OXR1: variants seen among roughly 807,000 people sequenced by gnomAD.
OXR1 encodes the protein oxidation resistance protein 1.
Under a neutral mutation model 104.6 loss-of-function variants are expected in OXR1, and 41 were observed. The ratio of observed to expected loss-of-function variants is 0.39; its 90% CI spans 0.31 to 0.51. The LOEUF (loss-of-function observed/expected upper bound fraction) is 0.51. OXR1 is among the 20% of genes least tolerant of loss of function. The pLI is 0.77. For synonymous variants in OXR1, 348 were observed against 348.4 expected, an observed-to-expected ratio of 1.00 and a Z score of 0.01; for missense variants, 955 against 1,031.9, an observed-to-expected ratio of 0.93 and a Z score of 1.02.
intron 2 of OXR1, among the ~76,000 whole-genome samples, chr8:106,411,082 T>C (rs1041260210): frequency 7.9e-6 from 1 of 126,644 alleles, no homozygotes; most frequent in African/African-American, 3.4e-5. Flanking sequence ...CTAATTATAT[T>C]TGAGATGAGT....
At chr8:106,724,411 G>A (rs1833134489) in intron 11 of OXR1, among the ~76,000 whole-genome samples, 1 of 152,138 alleles carries the variant, frequency 6.6e-6, no homozygotes, top group African/African-American at 2.4e-5. Context: ...GCAAGAAGGA[G>A]ACTTACTGAG....
intron 1 of OXR1, among the ~76,000 whole-genome samples, chr8:106,294,371 G>A (rs1441448103): frequency 7.6e-6 from 1 of 132,174 alleles, no homozygotes; most frequent in East Asian, 2.1e-4. Flanking sequence ...ACTCCAACTT[G>A]GGCGACAGGG....
At chr8:106,694,442 AT>A (rs1293888078) in intron 7 of OXR1, among the ~76,000 whole-genome samples, 10 of 137,116 alleles carry the variant, frequency 7.3e-5, no homozygotes, top group South Asian at 2.2e-4. Flanking sequence ...ATATAAATAT[AT>A]TTTTATATAT....
intron 1 of OXR1, among the ~76,000 whole-genome samples, chr8:106,288,345 A>T (rs996341030): frequency 2.0e-5 from 3 of 152,088 alleles, no homozygotes; most frequent in Non-Finnish European, 4.4e-5. Context: ...TGATGCAAAG[A>T]AGGGACTGTT....
At chr8:106,476,130 T>A (rs1174332522) in intron 2 of OXR1, among the ~76,000 whole-genome samples, 2 of 151,858 alleles carry the variant, frequency 1.3e-5, no homozygotes, top group African/African-American at 2.4e-5. Context: ...GACAACTCTT[T>A]CCATAGAGTA....
intron 7 of OXR1, among the ~76,000 whole-genome samples, chr8:106,697,251 G>A (rs559066178): frequency 2.0e-4 from 31 of 152,312 alleles, no homozygotes; most frequent in African/African-American, 7.2e-4. Context: ...TAGTAAGCAC[G>A]GGGGAGAGGC....
At chr8:106,513,131 A>G (rs1490209539) in intron 2 of OXR1, among the ~76,000 whole-genome samples, 1 of 152,196 alleles carries the variant, frequency 6.6e-6, no homozygotes, top group Admixed American at 6.6e-5. Context: ...TAATTACTGT[A>G]AGAATCATTC....
Position 106,537,735 on chromosome 8 carries a change from T to C in OXR1, c.220+18596T>C, listed in dbSNP as rs185541442. On this transcript the variant is annotated intron_variant, in intron 3 of 16. Coordinates refer to ENST00000517566, the MANE Select transcript of OXR1 (RefSeq NM_001198533.2). ...GCCACTATTGACAGCCAGTCACAGA[T>C]TTCTACAGTGAAGATAATGAAGGAG... is the stretch of plus-strand genomic sequence containing the variant. Among the ~76,000 whole-genome samples the C allele has an allele frequency of 1.3e-4, 20 of 152,264 alleles. No homozygotes were observed. In the East Asian group the frequency reaches 3.1e-3, roughly 24 times the overall value.
chr8:106,440,001 A>G (rs1417868696), intron 2 of OXR1, among the ~76,000 whole-genome samples: 1 of 152,086 alleles, frequency 6.6e-6, no homozygotes, highest in Non-Finnish European at 1.5e-5. Context: ...ACTGTGGCTG[A>G]TATTCGGAGG....
At chr8:106,745,753 A>G in intron 15 of OXR1, 36 bp from the exon 16 acceptor site, 1 of 1,026,866 alleles carries the variant, frequency 9.7e-7, no homozygotes, top group Non-Finnish European at 1.5e-6. Context: ...TAACCATTTC[A>G]TCTATATATT....
At chr8:106,382,686 T>G (rs909563723) in intron 2 of OXR1, among the ~76,000 whole-genome samples, 1 of 121,732 alleles carries the variant, frequency 8.2e-6, no homozygotes, top group African/African-American at 4.7e-5. Context: ...CTATAGGTTT[T>G]TTTTTTTTTT....
At chr8:106,738,721 A>T (rs1834626294) in intron 12 of OXR1, among the ~76,000 whole-genome samples, 1 of 149,978 alleles carries the variant, frequency 6.7e-6, no homozygotes, top group African/African-American at 2.4e-5. Flanking sequence ...TAACATTCTT[A>T]TCGTTTTAAG....
At chr8:106,696,003 T>G (rs1829992130) in intron 7 of OXR1, among the ~76,000 whole-genome samples, 1 of 92,360 alleles carries the variant, frequency 1.1e-5, no homozygotes, top group African/African-American at 6.0e-5. Context: ...CCCATAAGAT[T>G]CTCTCTTGTA....
chr8:106,583,517 G>T (rs1319260662), intron 3 of OXR1, among the ~76,000 whole-genome samples: 2 of 152,108 alleles, frequency 1.3e-5, no homozygotes, highest in Non-Finnish European at 2.9e-5. Flanking sequence ...AACCATTAAG[G>T]TCTGTTCCAT....
intron 2 of OXR1, among the ~76,000 whole-genome samples, chr8:106,427,235 G>A (rs1485436498): frequency 2.0e-5 from 3 of 152,018 alleles, no homozygotes; most frequent in Non-Finnish European, 2.9e-5. Context: ...GCAGTGGCCT[G>A]ATCTCGGCTC....
At chr8:106,684,446 C>A in intron 6 of OXR1, 87 bp downstream of exon 6, 1 of 707,414 alleles carries the variant, frequency 1.4e-6, no homozygotes, top group Non-Finnish European at 2.5e-6. Context: ...TCCATTTTGA[C>A]TATGGTTAGA....
intron 2 of OXR1, among the ~76,000 whole-genome samples, chr8:106,490,507 C>T (rs750750070): frequency 2.6e-5 from 4 of 151,960 alleles, no homozygotes; most frequent in South Asian, 2.1e-4. Flanking sequence ...TACAGGCCTG[C>T]GCCACCACAC....
Position 106,737,440 on chromosome 8 carries a change from CTTTTTTT to C in OXR1, c.1957-60_1957-54del, listed in dbSNP as rs71562118. 6.8e-4 allele frequency: 101 copies of C among 148,046 alleles called. No homozygotes were observed. In the East Asian group the frequency reaches 7.1e-3, roughly 10 times the overall value. The allele number at this position is 148,046 out of a possible 1,614,324, so 9.2% of individuals were successfully genotyped here. ...TTCTCTTCCCATTTTAATTTCTCCTCTTTTTTTTTTTTTTTTTTTTTTTTTTGCTGTT... is the reference window on the plus strand; with the variant it reads ...TTCTCTTCCCATTTTAATTTCTCCTCTTTTTTTTTTTTTTTTTTTGCTGTT... On this transcript the variant is annotated intron_variant, in intron 11 of 16. Transcript: ENST00000517566.
At chr8:106,493,264 T>C (rs1413175014) in intron 2 of OXR1, among the ~76,000 whole-genome samples, 3 of 152,218 alleles carry the variant, frequency 2.0e-5, no homozygotes, top group African/African-American at 7.2e-5. Flanking sequence ...GCATGCTGCC[T>C]CTGTCGGGTT....
Sources: allele counts gnomAD v4.1 joint callset (sites outside exome capture counted in the v4.1 genomes callset), GRCh38; gene constraint gnomAD v4.1.1; transcripts MANE v1.5; gene names NCBI Gene and HGNC (gene_info 2026-07-23, HGNC 2026-07-21).